INPP4B: variants seen among roughly 807,000 people sequenced by gnomAD.
INPP4B encodes inositol polyphosphate 4-phosphatase type II.
In INPP4B, 55 loss-of-function variants were observed where a neutral mutation model predicts 122.5. That is an observed-to-expected ratio of 0.45 (90% CI 0.36 to 0.56). The LOEUF (loss-of-function observed/expected upper bound fraction) is 0.56, where lower values mean the gene tolerates loss of function less well. Ranked by LOEUF, INPP4B falls within the 20% of genes least tolerant of loss-of-function variation. The pLI is 0.00. For synonymous variants in INPP4B, 403 were observed against 388.7 expected (o/e 1.04, Z -0.43); for missense variants, 1,000 against 1,097.7 (o/e 0.91, Z 1.26).
intron 1 of INPP4B, among the ~76,000 whole-genome samples, chr4:142,806,440 C>T (rs1195513196): frequency 2.6e-5 from 4 of 151,438 alleles, no homozygotes; most frequent in Non-Finnish European, 5.9e-5. Flanking sequence ...TGCAGAATAA[C>T]GTCTTAAGAA....
intron 2 of INPP4B, among the ~76,000 whole-genome samples, chr4:142,473,032 T>G (rs561781714): frequency 7.8e-4 from 119 of 152,286 alleles, no homozygotes; most frequent in Non-Finnish European, 1.5e-3. Flanking sequence ...AATTAAATAA[T>G]AAAGACAATT....
chr4:142,112,253 T>C (rs896385620), intron 22 of INPP4B, among the ~76,000 whole-genome samples: 1 of 152,204 alleles, frequency 6.6e-6, no homozygotes, highest in East Asian at 1.9e-4. Context: ...TAAAATTTAA[T>C]ATACACATAG....
intron 9 of INPP4B, among the ~76,000 whole-genome samples, chr4:142,280,835 T>C (rs988560188): frequency 3.9e-5 from 6 of 152,028 alleles, no homozygotes; most frequent in African/African-American, 1.2e-4. Flanking sequence ...TGACATTTAC[T>C]TGGAATGTTG....
chr4:142,641,489 A>T (rs557478935), intron 2 of INPP4B, among the ~76,000 whole-genome samples: 1 of 143,728 alleles, frequency 7.0e-6, no homozygotes, highest in African/African-American at 2.6e-5. Flanking sequence ...CTCATTTTTC[A>T]GTTCCCAGCT....
At chr4:142,265,020 GCTTATA>G (rs1351760432) in intron 10 of INPP4B, among the ~76,000 whole-genome samples, 1 of 147,876 alleles carries the variant, frequency 6.8e-6, no homozygotes, top group East Asian at 2.0e-4. Flanking sequence ...TCCCCTTCCT[GCTTATA>G]CACAGAAGAT....
At chr4:142,117,320 C>G (rs1794089111) in intron 21 of INPP4B, among the ~76,000 whole-genome samples, 1 of 152,142 alleles carries the variant, frequency 6.6e-6, no homozygotes, top group African/African-American at 2.4e-5. Flanking sequence ...ATGAGGCCAG[C>G]ATCATCCTGA....
At chr4:142,320,059 T>A (rs1769403844) in intron 7 of INPP4B, among the ~76,000 whole-genome samples, 3 of 152,196 alleles carry the variant, frequency 2.0e-5, no homozygotes, top group Non-Finnish European at 4.4e-5. Flanking sequence ...TTCTTGCAAC[T>A]CTTGAACTGT....
At chr4:142,828,143 G>A (rs896052189) in intron 1 of INPP4B, among the ~76,000 whole-genome samples, 3 of 151,920 alleles carry the variant, frequency 2.0e-5, no homozygotes, top group Non-Finnish European at 4.4e-5. Flanking sequence ...AGAAATTAAA[G>A]AAAATCTCTC....
At chr4:142,257,188 T>C (rs1736668754) in intron 11 of INPP4B, among the ~76,000 whole-genome samples, 2 of 152,092 alleles carry the variant, frequency 1.3e-5, no homozygotes, top group African/African-American at 2.4e-5. Flanking sequence ...ATAAATTAGG[T>C]ATTGACGGGA....
chr4:142,572,110 A>G lies in INPP4B; in HGVS notation c.-190-109384T>C, dbSNP rs971275085. On this transcript the variant is annotated intron_variant, in intron 2 of 25. Transcript: ENST00000262992. ...CTCATTACTTTTATCTTCTCTTTCC[A>G]AAGCCGTTTGTGTCTTTGAAGATTG... 6.6e-5 allele frequency among the ~76,000 whole-genome samples: 10 copies of G among 152,220 alleles called. No homozygotes were observed. In the East Asian group the frequency reaches 7.7e-4, roughly 12 times the overall value.
At chr4:142,586,576 C>A (rs1003575469) in intron 2 of INPP4B, among the ~76,000 whole-genome samples, 5 of 152,150 alleles carry the variant, frequency 3.3e-5, no homozygotes, top group Admixed American at 2.6e-4. Flanking sequence ...CATTAACAAG[C>A]ACCTGCAACA....
intron 5 of INPP4B, among the ~76,000 whole-genome samples, chr4:142,410,258 A>G (rs4956441): frequency 0.98 from 148,762 of 152,302 alleles, 72,762 homozygotes; most frequent in Middle Eastern, 1. Context: ...CAACAAGCAG[A>G]TGCCTGCCCC....
intron 2 of INPP4B, among the ~76,000 whole-genome samples, chr4:142,690,339 G>A (rs62331887): frequency 2.0e-5 from 3 of 152,116 alleles, no homozygotes; most frequent in Non-Finnish European, 2.9e-5. Flanking sequence ...TCTTCACCAC[G>A]TAAAACAAAT....
At chr4:142,779,449 A>C (rs1774460828) in intron 1 of INPP4B, among the ~76,000 whole-genome samples, 1 of 152,190 alleles carries the variant, frequency 6.6e-6, no homozygotes, top group African/African-American at 2.4e-5. Flanking sequence ...AAAGGAAGTT[A>C]TAATAAAAGA....
chr4:142,651,786 G>A (rs1331479879), intron 2 of INPP4B, among the ~76,000 whole-genome samples: 2 of 152,062 alleles, frequency 1.3e-5, no homozygotes, highest in Non-Finnish European at 2.9e-5. Flanking sequence ...TGAAATCTAT[G>A]AGATGTACAT....
At chr4:142,564,717 T>C (rs1180203711) in intron 2 of INPP4B, among the ~76,000 whole-genome samples, 1 of 152,072 alleles carries the variant, frequency 6.6e-6, no homozygotes, top group Non-Finnish European at 1.5e-5. Context: ...ATTTTTAATA[T>C]GGAATGTTGG....
At chr4:142,245,294 C>T (rs1274376398) in intron 11 of INPP4B, among the ~76,000 whole-genome samples, 1 of 152,148 alleles carries the variant, frequency 6.6e-6, no homozygotes, top group Non-Finnish European at 1.5e-5. Flanking sequence ...TTGCCCATGC[C>T]TATGTCCTGA....
chr4:142,436,562 C>T (rs1262885076), intron 3 of INPP4B, among the ~76,000 whole-genome samples: 1 of 152,186 alleles, frequency 6.6e-6, no homozygotes, highest in Admixed American at 6.5e-5. Context: ...AGGCACCCAT[C>T]TTTTCTGTTC....
At chr4:142,199,917 G>T (rs1839952371) in intron 14 of INPP4B, among the ~76,000 whole-genome samples, 2 of 151,970 alleles carry the variant, frequency 1.3e-5, no homozygotes, top group African/African-American at 4.8e-5. Flanking sequence ...GTAAAAATCT[G>T]GGGGAACATA....
Sources: allele counts gnomAD v4.1 joint callset (sites outside exome capture counted in the v4.1 genomes callset), GRCh38; gene constraint gnomAD v4.1.1; transcripts MANE v1.5; gene names NCBI Gene and HGNC (gene_info 2026-07-23, HGNC 2026-07-21).